The following HMGXB4 variants were observed in gnomAD, a reference collection of about 807,000 sequenced individuals.
HMGXB4 encodes the protein HMG-box containing 4, also known as HMG domain-containing protein 4.
HMGXB4 carries 27 observed loss-of-function variants against 63.9 expected under a neutral mutation model. The observed-to-expected ratio is 0.42, with a 90% CI of 0.31 to 0.58. The LOEUF (loss-of-function observed/expected upper bound fraction) is 0.58. Ranked by LOEUF, HMGXB4 falls within the 20% of genes least tolerant of loss-of-function variation. The pLI, the probability that HMGXB4 is intolerant of heterozygous loss-of-function variation, is 0.13. For missense variants in HMGXB4, 624 were observed against 700.7 expected (o/e 0.89, Z 1.24); for synonymous variants, 264 against 265.3 (o/e 0.99, Z 0.05).
rs370042529 is a variant in HMGXB4, at chr22:35,264,124, T to C, written c.259+250T>C. ...ACCAGGTTCCTTCTCCCCCCAATCA[T>C]CCACTTATCTTGTGCCCATTGTTAT... On this transcript the variant is annotated intron_variant, in intron 4 of 10. Transcript: ENST00000216106. 2,126 of 1,376,120 alleles carry C rather than the reference T, an allele frequency of 1.5e-3. 37 individuals carry two copies. In the South Asian group the frequency reaches 0.022, roughly 14 times the overall value. The allele number at this position is 1,376,120 out of a possible 1,614,324, so 85.2% of individuals were successfully genotyped here.
At chr22:35,252,194 G>A in the HMGXB4 span, among the ~76,000 whole-genome samples, 2 of 152,166 alleles carry the variant, frequency 1.3e-5, no homozygotes, top group African/African-American at 4.8e-5. Flanking sequence ...CAGCCTAGGC[G>A]GCCGAGAGAG....
rs1268214143 is a variant in HMGXB4 at position 35,263,064 on chromosome 22, C to T, written c.32-14C>T. 6 of 1,612,214 alleles carry T rather than the reference C, an allele frequency of 3.7e-6. No individual in the cohort carries two copies. In the Admixed American group the frequency reaches 1.0e-4, roughly 27 times the overall value. On this transcript the variant is annotated splice_polypyrimidine_tract_variant and intron_variant, in intron 2 of 10. Coordinates refer to ENST00000216106, the MANE Select transcript of HMGXB4 (RefSeq NM_001003681.3). ...TTTCTCATTTCCTTTCCCAAATAAACCTGTGCTTCTCAGATTGTTTTGATG... is the reference window on the plus strand; with the variant it reads ...TTTCTCATTTCCTTTCCCAAATAAATCTGTGCTTCTCAGATTGTTTTGATG...
chr22:35,242,098 G>A, the HMGXB4 span, among the ~76,000 whole-genome samples: 2 of 152,150 alleles, frequency 1.3e-5, no homozygotes, highest in South Asian at 4.2e-4. Flanking sequence ...GTTCTCTTCT[G>A]TTTTCTGGAA....
At chr22:35,255,332 CA>C (rs948253809), upstream of HMGXB4, among the ~76,000 whole-genome samples, 4 of 151,206 alleles carry the variant, frequency 2.6e-5, no homozygotes, top group East Asian at 1.9e-4. Context: ...AAAAAAACAA[CA>C]AAAAAAACCC....
chr22:35,248,173 G>T, the HMGXB4 span, among the ~76,000 whole-genome samples: 1 of 152,122 alleles, frequency 6.6e-6, no homozygotes, highest in Non-Finnish European at 1.5e-5. Flanking sequence ...GTTGCAAAAT[G>T]GTACACCCGT....
At chr22:35,267,978 G>A (rs1375722817) in intron 5 of HMGXB4, among the ~76,000 whole-genome samples, 2 of 152,242 alleles carry the variant, frequency 1.3e-5, no homozygotes, top group Middle Eastern at 3.4e-3. Context: ...TTACATATAG[G>A]GAGGCTGAGG....
intron 3 of HMGXB4, 37 bp from the exon 4 acceptor site, chr22:35,263,759 A>C: frequency 1.4e-6 from 2 of 1,455,386 alleles, no homozygotes; most frequent in Non-Finnish European, 1.9e-6. Flanking sequence ...CATTTGCCTC[A>C]TCATCTTATT....
chr22:35,285,948 T>C, intron 6 of HMGXB4, 49 bp from the exon 7 acceptor site: 1 of 1,350,498 alleles, frequency 7.4e-7, no homozygotes. Flanking sequence ...TTCTATTTTG[T>C]TAATAGCTAA....
At chr22:35,248,773 G>A in the HMGXB4 span, among the ~76,000 whole-genome samples, 6 of 146,348 alleles carry the variant, frequency 4.1e-5, no homozygotes, top group Non-Finnish European at 7.6e-5. Context: ...ATCATCAAGA[G>A]GATGGTGCTA....
At chr22:35,242,002 T>C in the HMGXB4 span, among the ~76,000 whole-genome samples, 1 of 152,240 alleles carries the variant, frequency 6.6e-6, no homozygotes, top group Non-Finnish European at 1.5e-5. Flanking sequence ...TCACAAGGGA[T>C]ATTAATCTGT....
chr22:35,263,960 G>A, intron 4 of HMGXB4, 86 bp downstream of exon 4: 1 of 1,588,084 alleles, frequency 6.3e-7, no homozygotes, highest in Non-Finnish European at 8.6e-7. Flanking sequence ...AGATGTTGCT[G>A]ACTCAGTGGC....
At chr22:35,273,741 A>G (rs1923742309) in intron 5 of HMGXB4, among the ~76,000 whole-genome samples, 1 of 152,230 alleles carries the variant, frequency 6.6e-6, no homozygotes, top group South Asian at 2.1e-4. Context: ...AATAGTTAAG[A>G]ACCAGAAAGA....
intron 9 of HMGXB4, among the ~76,000 whole-genome samples, chr22:35,290,334 TATTGTTACCCCTA>T (rs1924849014): frequency 6.6e-6 from 1 of 151,660 alleles, no homozygotes; most frequent in Non-Finnish European, 1.5e-5. Flanking sequence ...TTCCAAAACA[TATTGTTACCCCTA>T]AAAGAAACCC....
At chr22:35,252,973 AAC>A (rs1601616630), upstream of HMGXB4, among the ~76,000 whole-genome samples, 1 of 152,064 alleles carries the variant, frequency 6.6e-6, no homozygotes, top group East Asian at 1.9e-4. Flanking sequence ...CTCTACTAAA[AAC>A]ACAAAAATTA....
upstream of HMGXB4, among the ~76,000 whole-genome samples, chr22:35,254,308 G>A (rs950633695): frequency 2.0e-5 from 3 of 152,136 alleles, no homozygotes; most frequent in African/African-American, 7.2e-5. Context: ...CTGCCCAGAG[G>A]GTCCTCTTTT....
chr22:35,262,370 C>G lies in HMGXB4; in HGVS notation c.-21C>G, dbSNP rs746576048. 3.7e-6 allele frequency: 6 copies of G among 1,613,300 alleles called. No individual in the cohort carries two copies. Among genetic ancestry groups the G allele is most frequent in the Non-Finnish European group, 4.2e-6 (5 of 1,179,342 alleles). ...GAGCCTGGACACAGTGACACATTCT[C>G]AAAGGCCCTGCAGGACCACCATGGC... On this transcript the variant is annotated 5_prime_UTR_variant, in exon 2 of 11. Coordinates refer to ENST00000216106, the MANE Select transcript of HMGXB4 (RefSeq NM_001003681.3).
At chr22:35,242,530 GCTCTCT>G in the HMGXB4 span, among the ~76,000 whole-genome samples, 14 of 146,060 alleles carry the variant, frequency 9.6e-5, no homozygotes, top group South Asian at 6.6e-4. Flanking sequence ...ATAGTAATCT[GCTCTCT>G]CTCTCTCTCT....
chr22:35,273,283 G>T (rs897667829), intron 5 of HMGXB4, among the ~76,000 whole-genome samples: 7 of 152,228 alleles, frequency 4.6e-5, no homozygotes, highest in African/African-American at 1.7e-4. Context: ...GACGGAGGAA[G>T]AAGCTATAAT....
At chr22:35,241,542 C>T in the HMGXB4 span, among the ~76,000 whole-genome samples, 12 of 152,320 alleles carry the variant, frequency 7.9e-5, no homozygotes, top group East Asian at 3.9e-4. Context: ...TGATGGATCC[C>T]GGTGGTGCCA....
Sources: gnomAD v4.1 joint callset for allele counts (sites outside exome capture counted in the v4.1 genomes callset) on GRCh38, gnomAD v4.1.1 for gene constraint, MANE v1.5 for transcripts, NCBI Gene and HGNC (gene_info 2026-07-23, HGNC 2026-07-21) for gene names.